Variants in GPS1 observed in about 807,000 individuals in gnomAD.
The protein encoded by GPS1 is COP9 signalosome complex subunit 1.
A neutral mutation model predicts 60.0 loss-of-function variants in GPS1; 11 were observed. The ratio of observed to expected loss-of-function variants is 0.18; its 90% CI spans 0.12 to 0.30. GPS1 has a LOEUF of 0.30. GPS1 is among the 10% of genes least tolerant of loss of function. The pLI is 1.00. For synonymous variants in GPS1, 343 were observed against 269.8 expected (o/e 1.27, Z -2.66); for missense variants, 543 against 669.2 (o/e 0.81, Z 2.08).
In GPS1 at chr17:82,053,163, G is replaced by A. The variant is rs1189387573; in HGVS notation, c.34-111G>A. The A allele has an allele frequency of 6.1e-6, 5 of 815,756 alleles. No homozygotes were observed. In the South Asian group the frequency reaches 8.7e-5, roughly 14 times the overall value. 50.5% of individuals were successfully genotyped at this position (815,756 alleles called of 1,614,324 possible). Reference sequence around the variant, plus strand: ...GACAGCAGCGGCGGGAGTGTGGTCCGACTGGCCTGGAAGATCTTGGGCAGA... The same window carrying A: ...GACAGCAGCGGCGGGAGTGTGGTCCAACTGGCCTGGAAGATCTTGGGCAGA... On this transcript the variant is annotated intron_variant, in intron 1 of 12. Transcript: ENST00000578552.
chr17:82,055,328 T>A (rs1410382310), intron 6 of GPS1, 106 bp downstream of exon 6: 3 of 1,162,442 alleles, frequency 2.6e-6, no homozygotes, highest in South Asian at 2.6e-5. Flanking sequence ...AAAACTTCCC[T>A]GGCAGGGCGC....
upstream of GPS1, chr17:82,051,012 C>G: frequency 7.1e-7 from 1 of 1,409,042 alleles, no homozygotes; most frequent in Non-Finnish European, 9.2e-7. The surrounding 1 kb of genome is among the most constrained non-coding windows in gnomAD (Gnocchi z 4.1). Flanking sequence ...TCGCCCTGAC[C>G]TGGCCTGGAA....
At chr17:82,053,824 C>G in intron 2 of GPS1, 44 bp from the exon 3 acceptor site, 1 of 1,570,144 alleles carries the variant, frequency 6.4e-7, no homozygotes, top group Non-Finnish European at 8.6e-7. Flanking sequence ...GGGCCAGGGT[C>G]CTGCCTCCCA....
chr17:82,056,995 G>T, intron 12 of GPS1, 21 bp downstream of exon 12: 1 of 1,612,372 alleles, frequency 6.2e-7, no homozygotes, highest in Non-Finnish European at 8.5e-7. Context: ...TTGAGGGGGG[G>T]CAGGCGCACG....
intron 1 of GPS1, chr17:82,052,522 C>T (rs865861875): frequency 6.4e-7 from 1 of 1,560,568 alleles, no homozygotes; most frequent in Non-Finnish European, 8.7e-7. Flanking sequence ...GCCGCCCCTG[C>T]TGTGGCTGGG....
At chr17:82,051,608 G>A (rs995631609), upstream of GPS1, 9 of 1,252,292 alleles carry the variant, frequency 7.2e-6, no homozygotes, top group African/African-American at 1.6e-5. The surrounding 1 kb of genome is among the most constrained non-coding windows in gnomAD (Gnocchi z 4.1). Flanking sequence ...GCCGCAGGCT[G>A]GGGGCAGCGG....
At position 82,054,314 on chromosome 17, in the gene GPS1, CT is replaced by C. The variant is rs548236897; in HGVS notation, c.309-195del. 2.2e-4 allele frequency: 181 copies of C among 833,410 alleles called. No homozygotes were observed. In the African/African-American group the frequency reaches 2.7e-3, roughly 12 times the overall value. The allele number at this position is 833,410 out of a possible 1,614,324, so 51.6% of individuals were successfully genotyped here. On this transcript the variant is annotated intron_variant, in intron 3 of 12. Transcript: ENST00000578552. The stretch of plus-strand genomic sequence containing the variant: ...CCTCCCTGCTGGTTTCCCCACCCGG[CT>C]GTAGGCTCCTGGGGCAGCAGTTCTC...
At position 82,054,903 on chromosome 17, in the gene GPS1, C is replaced by T. The variant is rs1187084329; in HGVS notation, c.615C>T (p.Ser205=). The T allele has an allele frequency of 9.4e-6, 15 of 1,587,740 alleles. No homozygotes were observed. Among genetic ancestry groups the T allele is most frequent in the African/African-American group, 2.7e-5 (2 of 74,542 alleles). ...INMCLNVIKV[S]VYLQNWSHVL... ...GCTCTGCGCCCCCCCGCCAGGTCAG[C>T]GTCTACTTGCAGAATTGGTCTCATG... Residue 205 remains serine, a synonymous_variant, in exon 5 of 13, where the codon AGC becomes AGT. Coordinates refer to ENST00000578552, the MANE Select transcript of GPS1 (RefSeq NM_001321092.3).
At position 82,056,720 on chromosome 17, in the gene GPS1, T is replaced by C. The variant is rs745483456; in HGVS notation, c.1208T>C (p.Leu403Pro). ...VAALEDELTQ[L>P]ILEGLISARV... ...GCCCTGGAGGACGAGCTGACGCAGC[T>C]AATCCTGGAGGGGCTGATCAGTGCC... Residue 403 changes from leucine to proline, a missense_variant, in exon 11 of 13, where the codon CTA becomes CCA. By Grantham distance (98) the Leu-to-Pro change is moderately conservative. Transcript: ENST00000578552. 1.3e-6 allele frequency: 2 copies of C among 1,590,036 alleles called. No homozygotes were observed. Among genetic ancestry groups the C allele is most frequent in the South Asian group, 2.3e-5 (2 of 87,250 alleles).
chr17:82,053,033 G>A (rs963914325), intron 1 of GPS1: 2 of 369,172 alleles, frequency 5.4e-6, no homozygotes, highest in Non-Finnish European at 9.7e-6. Context: ...TCAGGCGAGG[G>A]GTTTCTGCTT....
intron 1 of GPS1, chr17:82,052,352 G>GATCTGTACTGCAC (rs764019253): frequency 1.2e-6 from 2 of 1,612,854 alleles, no homozygotes; most frequent in Non-Finnish European, 8.5e-7. Context: ...GTCAGTGACA[G>GATCTGTACTGCAC]ATCTGTACTG....
intron 1 of GPS1, 125 bp downstream of exon 1, chr17:82,052,089 C>A: frequency 1.2e-6 from 1 of 860,590 alleles, no homozygotes; most frequent in East Asian, 6.5e-5. Flanking sequence ...CGTGCCGGGC[C>A]TCCGCGGGCA....
At chr17:82,055,058 C>T (rs1364299009) in intron 5 of GPS1, 83 bp downstream of exon 5, 3 of 1,589,052 alleles carry the variant, frequency 1.9e-6, no homozygotes. Flanking sequence ...CCTCATTCTC[C>T]CCCAGATCTG....
chr17:82,055,886 G>A (rs544097582), intron 7 of GPS1, 61 bp downstream of exon 7: 7 of 1,474,676 alleles, frequency 4.7e-6, no homozygotes, highest in Non-Finnish European at 3.7e-6. Flanking sequence ...GGCTGCTTCT[G>A]TAGGAGGGTG....
rs375853187 is a variant in GPS1, at chr17:82,054,771, C to T, written c.570C>T (p.Ser190=). 45 of 1,608,040 alleles carry T rather than the reference C, an allele frequency of 2.8e-5. No homozygotes were observed. The highest frequency in any genetic ancestry group is 3.5e-5 in the Non-Finnish European group (41 of 1,177,168). Residue 190 remains serine (S), a synonymous_variant, in exon 4 of 13, where the codon AGC becomes AGT. Coordinates refer to ENST00000578552, the MANE Select transcript of GPS1 (RefSeq NM_001321092.3). Reference sequence around the variant, plus strand: ...CCCGGGCCCGGGACTACTGCACCAGCGCCAAACACGTCATCAACATGTGCC... The same window carrying T: ...CCCGGGCCCGGGACTACTGCACCAGTGCCAAACACGTCATCAACATGTGCC... ...CYSRARDYCT[S]AKHVINMCLN... is the part of the protein sequence containing the mutation.
chr17:82,051,020 G>A, upstream of GPS1: 1 of 1,401,994 alleles, frequency 7.1e-7, no homozygotes, highest in Non-Finnish European at 9.2e-7. This position sits in a 1 kb window ranked among gnomAD's most constrained non-coding sequence, Gnocchi z 4.1. Context: ...ACCTGGCCTG[G>A]AAGGGCGGAT....
Position 82,055,782 on chromosome 17 carries a change from A to G in GPS1, c.791A>G (p.Lys264Arg), listed in dbSNP as rs778182423. 1.5e-5 allele frequency: 23 copies of G among 1,565,086 alleles called. No homozygotes were observed. The South Asian group carries it at 2.5e-4, about 17-fold the overall frequency. Residue 264 changes from lysine (K) to arginine (R), a missense_variant, in exon 7 of 13, where the codon AAG becomes AGG. This residue lies in a region of GPS1 where 291 missense variants were observed against 353.7 expected (regional missense o/e 0.82). Transcript: ENST00000578552. The stretch of plus-strand genomic sequence containing the variant: ...GCCAGGAAGTACAAGCAGGCTGCCA[A>G]GTGCCTCCTGCTGGCTTCCTTTGAT... ...LAARKYKQAA[K>R]CLLLASFDHC...
chr17:82,051,449 G>T (rs1437136607), upstream of GPS1: 3 of 1,344,770 alleles, frequency 2.2e-6, no homozygotes. This position sits in a 1 kb window ranked among gnomAD's most constrained non-coding sequence, Gnocchi z 4.1. Flanking sequence ...GACCCTGGGA[G>T]GCGGGGCGGG....
upstream of GPS1, chr17:82,051,688 G>C: frequency 3.1e-5 from 31 of 1,005,938 alleles, no homozygotes; most frequent in Non-Finnish European, 3.5e-5. This position sits in a 1 kb window ranked among gnomAD's most constrained non-coding sequence, Gnocchi z 4.1. Context: ...GGCAGCGGCA[G>C]CGGCAGTAAC....
Sources: gnomAD v4.1 joint callset for allele counts on GRCh38, gnomAD v4.1.1 for gene constraint, gnomAD v4.1.1 regional missense constraint, Gnocchi (gnomAD v3.1) non-coding constraint, MANE v1.5 for transcripts, NCBI Gene and HGNC (gene_info 2026-07-23, HGNC 2026-07-21) for gene names.